Variants in RXRA observed in about 807,000 individuals in gnomAD.
RXRA encodes retinoic acid receptor RXR-alpha.
RXRA carries 5 observed loss-of-function variants against 44.5 expected under a neutral mutation model. The ratio of observed to expected loss-of-function variants is 0.11; its 90% CI spans 0.06 to 0.24. The LOEUF (loss-of-function observed/expected upper bound fraction) is 0.24, where lower values mean the gene tolerates loss of function less well. Among genes scored for constraint, RXRA ranks in the 10% least tolerant of loss-of-function variants. The pLI, the probability that RXRA is intolerant of heterozygous loss-of-function variation, is 1.00. For missense variants in RXRA, 412 were observed against 646.5 expected (o/e 0.64, Z 3.93); for synonymous variants, 291 against 271.4 (o/e 1.07, Z -0.71).
At chr9:134,358,129 C>G (rs1830304530) in intron 1 of RXRA, among the ~76,000 whole-genome samples, 1 of 152,248 alleles carries the variant, frequency 6.6e-6, no homozygotes, top group South Asian at 2.1e-4. Context: ...GCTGGGTGTG[C>G]CACCCAGGCC....
At chr9:134,377,503 T>A (rs1465458980) in intron 1 of RXRA, among the ~76,000 whole-genome samples, 1 of 152,148 alleles carries the variant, frequency 6.6e-6, no homozygotes, top group East Asian at 1.9e-4. Context: ...ATGCGTGTCC[T>A]TCCTGCACAG....
In RXRA at chr9:134,438,223, C is replaced by G. The variant is rs549081514; in HGVS notation, c.*1609C>G. 12 of 152,500 alleles carry G rather than the reference C, an allele frequency of 7.9e-5. No individual in the cohort carries two copies. Among genetic ancestry groups the G allele is most frequent in the African/African-American group, 2.9e-4 (12 of 41,554 alleles). The allele number at this position is 152,500 out of a possible 1,614,324, so 9.4% of individuals were successfully genotyped here. ...TGATGCGGGGGGGTGGACGCCTTCT[C>G]CATAGTCTTTCCCCACCTGGAGCAG... On this transcript the variant is annotated 3_prime_UTR_variant, in exon 10 of 10. Transcript: ENST00000481739.
chr9:134,350,770 C>T (rs1220287223), intron 1 of RXRA, among the ~76,000 whole-genome samples: 1 of 152,224 alleles, frequency 6.6e-6, no homozygotes, highest in Non-Finnish European at 1.5e-5. Flanking sequence ...GGGCCAGTGG[C>T]TCTGCTTTCC....
intron 1 of RXRA, among the ~76,000 whole-genome samples, chr9:134,370,518 C>T (rs571395469): frequency 3.3e-5 from 5 of 152,360 alleles, no homozygotes; most frequent in South Asian, 4.1e-4. Context: ...GCCTTTGCCC[C>T]GTAGACGAAG....
At chr9:134,387,961 G>C (rs577791768) in intron 1 of RXRA, among the ~76,000 whole-genome samples, 5 of 152,262 alleles carry the variant, frequency 3.3e-5, no homozygotes, top group South Asian at 2.1e-4. Context: ...GGTGACATTG[G>C]GGGGTTTGAA....
chr9:134,377,423 G>A (rs2119094154), intron 1 of RXRA, among the ~76,000 whole-genome samples: 1 of 152,322 alleles, frequency 6.6e-6, no homozygotes, highest in East Asian at 1.9e-4. Context: ...CCAGTGTCCA[G>A]CACAGTTGTG....
chr9:134,398,644 C>T (rs764473134), intron 1 of RXRA, among the ~76,000 whole-genome samples: 4 of 152,230 alleles, frequency 2.6e-5, no homozygotes, highest in Non-Finnish European at 5.9e-5. Flanking sequence ...CCAGTCCCCT[C>T]CTCCAACTCA....
chr9:134,411,051 C>T (rs1588295685), intron 4 of RXRA, among the ~76,000 whole-genome samples: 1 of 152,202 alleles, frequency 6.6e-6, no homozygotes, highest in Non-Finnish European at 1.5e-5. Flanking sequence ...GGGCTGTTGA[C>T]GCCTGAGGAA....
chr9:134,397,986 AT>A (rs1172000328), intron 1 of RXRA, among the ~76,000 whole-genome samples: 7 of 149,310 alleles, frequency 4.7e-5, no homozygotes, highest in African/African-American at 7.3e-5. Flanking sequence ...TTTATTTTTT[AT>A]TTTTTTTTTG....
intron 1 of RXRA, among the ~76,000 whole-genome samples, chr9:134,350,154 A>G (rs1830204405): frequency 6.6e-6 from 1 of 152,022 alleles, no homozygotes; most frequent in South Asian, 2.1e-4. Flanking sequence ...TTGATTAAAC[A>G]GCCTGTCTGG....
chr9:134,366,501 G>A lies in RXRA; in HGVS notation c.29-35131G>A, dbSNP rs1271508568. Among the ~76,000 whole-genome samples, 1 of 152,182 alleles carries A rather than the reference G, an allele frequency of 6.6e-6. No individual in the cohort carries two copies. The highest frequency in any genetic ancestry group is 1.5e-5 in the Non-Finnish European group (1 of 68,024). On this transcript the variant is annotated intron_variant, in intron 1 of 9. Coordinates refer to ENST00000481739, the MANE Select transcript of RXRA (RefSeq NM_002957.6). The surrounding 1 kb of genome is among the most constrained non-coding windows in gnomAD (Gnocchi z 5.9). ...CCTGGCCACGGCGAGCTCCTGGCGG[G>A]AGTCCCCCTCCCCAGCAGCCACCCC... is the stretch of plus-strand genomic sequence containing the variant.
At chr9:134,363,702 G>A (rs1341881786) in intron 1 of RXRA, among the ~76,000 whole-genome samples, 1 of 152,220 alleles carries the variant, frequency 6.6e-6, no homozygotes, top group African/African-American at 2.4e-5. Context: ...CCTGAGCACT[G>A]CCTGTGCTGG....
At chr9:134,414,496 C>A (rs1354736643) in intron 4 of RXRA, among the ~76,000 whole-genome samples, 1 of 152,220 alleles carries the variant, frequency 6.6e-6, no homozygotes, top group African/African-American at 2.4e-5. Context: ...ATGAGGGAGC[C>A]GAGGCACAGA....
At chr9:134,427,578 C>T (rs906386194) in intron 6 of RXRA, among the ~76,000 whole-genome samples, 4 of 152,148 alleles carry the variant, frequency 2.6e-5, no homozygotes, top group African/African-American at 4.8e-5. Context: ...CACACCTGGG[C>T]GGGGCGGCCT....
chr9:134,359,041 G>C lies in RXRA; in HGVS notation c.28+32382G>C, dbSNP rs538868030. Among the ~76,000 whole-genome samples, 8 of 152,326 alleles carry C rather than the reference G, an allele frequency of 5.3e-5. No homozygotes were observed. The South Asian group carries it at 1.0e-3, about 20-fold the overall frequency. On this transcript the variant is annotated intron_variant, in intron 1 of 9. Transcript: ENST00000481739. ...AGCATTCATGGAACAGCTGCTGGGG[G>C]CTGCCGTGTGGGAGAGGCCGAGAGG... is the stretch of plus-strand genomic sequence containing the variant.
At chr9:134,423,630 C>T (rs1831384208) in intron 6 of RXRA, 5 of 985,382 alleles carry the variant, frequency 5.1e-6, no homozygotes, top group Middle Eastern at 5.2e-4. Flanking sequence ...ATCCCGCTGG[C>T]CTCGTGTCTG....
At chr9:134,424,170 C>T (rs1365742526) in intron 6 of RXRA, 15 of 985,212 alleles carry the variant, frequency 1.5e-5, no homozygotes, top group African/African-American at 3.5e-5. Context: ...TGTGGCTGTC[C>T]CTCTTAGGTG....
At chr9:134,420,312 G>C (rs1831307909) in intron 5 of RXRA, among the ~76,000 whole-genome samples, 1 of 152,246 alleles carries the variant, frequency 6.6e-6, no homozygotes, top group South Asian at 2.1e-4. Context: ...GCTGTGGCAG[G>C]CCTGGGGGGC....
intron 6 of RXRA, chr9:134,425,054 G>T (rs745810781): frequency 4.7e-5 from 46 of 985,342 alleles, no homozygotes; most frequent in Non-Finnish European, 5.4e-5. Flanking sequence ...CCACCATCGT[G>T]AGAGCCATTG....
Sources: gnomAD v4.1 joint callset for allele counts (sites outside exome capture counted in the v4.1 genomes callset) on GRCh38, gnomAD v4.1.1 for gene constraint, Gnocchi (gnomAD v3.1) non-coding constraint, MANE v1.5 for transcripts, NCBI Gene and HGNC (gene_info 2026-07-23, HGNC 2026-07-21) for gene names.